The following GOPC variants were observed in gnomAD, a reference collection of about 807,000 sequenced individuals.
The protein encoded by GOPC is golgi associated PDZ and coiled-coil motif containing.
Under a neutral mutation model 51.2 loss-of-function variants are expected in GOPC, and 32 were observed. The observed-to-expected ratio is 0.63, with a 90% CI of 0.47 to 0.84. The LOEUF is 0.84. GOPC is among the 40% of genes least tolerant of loss of function. The probability of loss-of-function intolerance (pLI) is 0.00; values close to 1 mark genes in which losing one functional copy is unlikely to be tolerated. For missense variants in GOPC, 441 were observed against 555.5 expected, an observed-to-expected ratio of 0.79 and a Z score of 2.07; for synonymous variants, 190 against 205.1, an observed-to-expected ratio of 0.93 and a Z score of 0.63.
chr6:117,596,860 G>A (rs1455294089), intron 1 of GOPC, among the ~76,000 whole-genome samples: 1 of 152,048 alleles, frequency 6.6e-6, no homozygotes, highest in East Asian at 1.9e-4. Context: ...GTCTTGCTTT[G>A]GCTATGTGGG....
At chr6:117,591,009 C>T (rs1479014204) in intron 1 of GOPC, among the ~76,000 whole-genome samples, 4 of 152,166 alleles carry the variant, frequency 2.6e-5, no homozygotes, top group African/African-American at 7.2e-5. Context: ...TGCGCCACCA[C>T]ACCCAGCTAA....
At chr6:117,589,089 T>A (rs1267534104) in intron 1 of GOPC, among the ~76,000 whole-genome samples, 1 of 152,154 alleles carries the variant, frequency 6.6e-6, no homozygotes, top group Non-Finnish European at 1.5e-5. Context: ...TCTCATAATG[T>A]TTTAAGAAAG....
At chr6:117,577,420 T>A in intron 3 of GOPC, 28 bp downstream of exon 3, 6 of 1,597,440 alleles carry the variant, frequency 3.8e-6, no homozygotes, top group Non-Finnish European at 5.1e-6. Context: ...CGTGACATAT[T>A]AAAGCAAAAC....
Position 117,602,251 on chromosome 6 carries a change from C to A in GOPC, c.38G>T (p.Gly13Val). ...GGAGCAGGAGGCGCCCCCTGGGCCC[C>A]CTCCGGCTGCTGCTGGGCATGGACC... ...AGGPCPAAAG[G>V]GPGGASCSVG... Residue 13 changes from glycine to valine, a missense_variant, in exon 1 of 9, where the codon GGG becomes GTG. Gly to Val is a moderately radical substitution (Grantham distance 109). Transcript: ENST00000368498. 2 of 1,599,238 alleles carry A rather than the reference C, an allele frequency of 1.3e-6. No individual in the cohort carries two copies. The highest frequency in any genetic ancestry group is 1.7e-6 in the Non-Finnish European group (2 of 1,179,094).
At chr6:117,564,149 T>A (rs1038029819) in intron 8 of GOPC, among the ~76,000 whole-genome samples, 2 of 152,076 alleles carry the variant, frequency 1.3e-5, no homozygotes, top group East Asian at 1.9e-4. Flanking sequence ...AGCTATATTT[T>A]AAAAATTTTT....
In GOPC at chr6:117,578,967, G is replaced by A. The variant is rs1342897812; in HGVS notation, c.383C>T (p.Ser128Phe). 1 of 1,612,066 alleles carries A rather than the reference G, an allele frequency of 6.2e-7. No individual in the cohort carries two copies. ...TTTAGCATGAAGCTGCAGCTGAATA[G>A]AGTGCAGCTGTAAAAGCTGATCATG... ...EVHDQLLQLH[S>F]IQLQLHAKTG... Residue 128 changes from serine (S) to phenylalanine (F), a missense_variant, in exon 2 of 9, where the codon TCT becomes TTT. By Grantham distance (155) the Ser-to-Phe change is radical. Around this residue, in one of 3 missense-constraint regions of GOPC, gnomAD observed 204 missense variants for 219.8 expected, o/e 0.93. Transcript: ENST00000368498.
chr6:117,596,069 T>A (rs1010391921), intron 1 of GOPC, among the ~76,000 whole-genome samples: 15 of 152,160 alleles, frequency 9.9e-5, no homozygotes, highest in African/African-American at 3.4e-4. Flanking sequence ...TATTTTTTTT[T>A]ATTTTTTTGA....
At chr6:117,587,842 C>G (rs1780056019) in intron 1 of GOPC, among the ~76,000 whole-genome samples, 1 of 151,750 alleles carries the variant, frequency 6.6e-6, no homozygotes, top group Non-Finnish European at 1.5e-5. Flanking sequence ...TGCTGCTATG[C>G]ACTTGTAGTT....
At chr6:117,578,831 C>T in intron 2 of GOPC, 69 bp downstream of exon 2, 1 of 980,064 alleles carries the variant, frequency 1.0e-6, no homozygotes, top group East Asian at 2.9e-5. Context: ...ATTTAAAAGT[C>T]TCATTCAAAA....
At chr6:117,580,974 A>C (rs1583057922) in intron 1 of GOPC, among the ~76,000 whole-genome samples, 1 of 152,180 alleles carries the variant, frequency 6.6e-6, no homozygotes, top group Non-Finnish European at 1.5e-5. Context: ...TTTTGAGAAT[A>C]ATGAAGCCAT....
chr6:117,570,738 G>T, intron 6 of GOPC, 122 bp downstream of exon 6: 2 of 412,894 alleles, frequency 4.8e-6, no homozygotes, highest in Non-Finnish European at 4.3e-6. Flanking sequence ...ATCCCCATGG[G>T]GATAAATTTT....
At position 117,566,921 on chromosome 6, in the gene GOPC, C is replaced by T. The variant is rs1168987095; in HGVS notation, c.1191G>A (p.Glu397=). The part of the protein sequence containing the change: ...SGHRYRLYLD[E]LEGGGNPGAS... ...CACCAGGGTTACCACCTCCTTCTAA[C>T]TCATCAAGGTACAAACGGTAACGAT... Residue 397 remains glutamate, a synonymous_variant, in exon 8 of 9, where the codon GAG becomes GAA. Coordinates refer to ENST00000368498, the MANE Select transcript of GOPC (RefSeq NM_020399.4). 2.5e-6 allele frequency: 4 copies of T among 1,610,766 alleles called. No homozygotes were observed. Among genetic ancestry groups the T allele is most frequent in the Admixed American group, 3.4e-5 (2 of 59,318 alleles).
At position 117,563,285 on chromosome 6, in the gene GOPC, A is replaced by G. The variant is rs201340669; in HGVS notation, c.1358T>C (p.Leu453Pro). 236 of 1,613,094 alleles carry G rather than the reference A, an allele frequency of 1.5e-4. 1 individual carries two copies. The highest frequency in any genetic ancestry group is 9.9e-4 in the Middle Eastern group (6 of 6,080). ...LDDGASKLDD[L>P]HTLYHKKSY ...AGATTTTTTATGATACAGAGTGTGCAGATCATCTAATTTTGAAGCACCGTC... is the reference window on the plus strand; with the variant it reads ...AGATTTTTTATGATACAGAGTGTGCGGATCATCTAATTTTGAAGCACCGTC... Residue 453 changes from leucine (L) to proline (P), a missense_variant, in exon 9 of 9, where the codon CTG (leucine) becomes CCG (proline). By Grantham distance (98) the Leu-to-Pro change is moderately conservative. This residue lies in a region of GOPC where 71 missense variants were observed against 68.8 expected (regional missense o/e 1.03). Coordinates refer to ENST00000368498, the MANE Select transcript of GOPC (RefSeq NM_020399.4).
intron 8 of GOPC, among the ~76,000 whole-genome samples, 182 bp downstream of exon 8, chr6:117,566,669 TAGA>T (rs1291897027): frequency 6.6e-6 from 1 of 152,152 alleles, no homozygotes; most frequent in Non-Finnish European, 1.5e-5. Context: ...AAGATGAATA[TAGA>T]AGAACATATA....
chr6:117,563,398 G>GAA lies in GOPC; in HGVS notation c.1259-16_1259-15dup. On this transcript the variant is annotated splice_polypyrimidine_tract_variant and intron_variant, in intron 8 of 8. Transcript: ENST00000368498. ...TCTTATTAAATCCTGAAAGAAAGGAGAAAAAAAAAGCAGACACTTTCTGGT... is the reference window on the plus strand; with the variant it reads ...TCTTATTAAATCCTGAAAGAAAGGAGAAAAAAAAAAAGCAGACACTTTCTGGT... The GAA allele has an allele frequency of 6.3e-7, 1 of 1,582,792 alleles. No homozygotes were observed.
rs1779621589 is a variant in GOPC, at chr6:117,563,220, C to A, written c.*34G>T. ...CCCAGTGCCCCAAATTCAGAATAGT[C>A]TGATTAACAATCTTGTCTGGAGATA... is the stretch of plus-strand genomic sequence containing the variant. On this transcript the variant is annotated 3_prime_UTR_variant, in exon 9 of 9. Coordinates refer to ENST00000368498, the MANE Select transcript of GOPC (RefSeq NM_020399.4). The A allele has an allele frequency of 1.3e-6, 2 of 1,596,236 alleles. No individual in the cohort carries two copies. The highest frequency in any genetic ancestry group is 4.5e-5 in the East Asian group (2 of 44,770).
chr6:117,586,259 T>C (rs1049912595), intron 1 of GOPC, among the ~76,000 whole-genome samples: 1 of 151,990 alleles, frequency 6.6e-6, no homozygotes, highest in African/African-American at 2.4e-5. Context: ...AAAAATCATA[T>C]AGAGATGGCA....
intron 1 of GOPC, among the ~76,000 whole-genome samples, chr6:117,601,095 C>A (rs1771999141): frequency 6.6e-6 from 1 of 152,094 alleles, no homozygotes; most frequent in African/African-American, 2.4e-5. Flanking sequence ...CACTGATTAT[C>A]CCATTTTTAT....
intron 1 of GOPC, among the ~76,000 whole-genome samples, chr6:117,591,133 T>C (rs1780111089): frequency 6.6e-6 from 1 of 152,178 alleles, no homozygotes; most frequent in African/African-American, 2.4e-5. Context: ...ATTACAGGCG[T>C]GAACCACCAC....
Sources: allele counts gnomAD v4.1 joint callset (sites outside exome capture counted in the v4.1 genomes callset), GRCh38; gene constraint gnomAD v4.1.1; regional missense constraint gnomAD v4.1.1; transcripts MANE v1.5; gene names NCBI Gene and HGNC (gene_info 2026-07-23, HGNC 2026-07-21).